The following ARIH1 variants were observed in gnomAD, a reference collection of about 807,000 sequenced individuals.
The protein encoded by ARIH1 is ariadne RBR E3 ubiquitin protein ligase 1.
Under a neutral mutation model 85.0 loss-of-function variants are expected in ARIH1, and 8 were observed. The observed-to-expected ratio is 0.09, with a 90% CI of 0.06 to 0.17. ARIH1 has a LOEUF of 0.17. Ranked by LOEUF, ARIH1 falls within the 10% of genes least tolerant of loss-of-function variation. The pLI, the probability that ARIH1 is intolerant of heterozygous loss-of-function variation, is 1.00. For synonymous variants in ARIH1, 238 were observed against 253.6 expected (o/e 0.94, Z 0.59); for missense variants, 311 against 718.1 (o/e 0.43, Z 6.48).
chr15:72,511,286 T>C (rs1395807875), intron 1 of ARIH1, among the ~76,000 whole-genome samples: 1 of 152,130 alleles, frequency 6.6e-6, no homozygotes, highest in Non-Finnish European at 1.5e-5. Context: ...TATGTAAAAA[T>C]ATAGCTGATC....
chr15:72,547,607 C>G (rs1358382997), intron 3 of ARIH1, among the ~76,000 whole-genome samples: 1 of 152,158 alleles, frequency 6.6e-6, no homozygotes, highest in African/African-American at 2.4e-5. Flanking sequence ...TGTATCATTT[C>G]TCTTACCTTA....
chr15:72,479,250 GTCTC>G (rs2063805900), intron 1 of ARIH1, among the ~76,000 whole-genome samples: 1 of 152,054 alleles, frequency 6.6e-6, no homozygotes, highest in Non-Finnish European at 1.5e-5. Context: ...AAAACTTCTG[GTCTC>G]AAGTATTTTG....
At chr15:72,478,349 C>A (rs1475155311) in intron 1 of ARIH1, among the ~76,000 whole-genome samples, 1 of 149,372 alleles carries the variant, frequency 6.7e-6, no homozygotes, top group African/African-American at 2.5e-5. Context: ...ACTCCTGAAC[C>A]CAGGTGATCC....
In ARIH1 at chr15:72,543,768, G is replaced by T. The variant is rs75488274; in HGVS notation, c.444-1052G>T. ...AGAGCATTATAGTTACTGTAATCTG[G>T]GCTTTACAACCCAAAAAGTAATTGA... On this transcript the variant is annotated intron_variant, in intron 2 of 13. Coordinates refer to ENST00000379887, the MANE Select transcript of ARIH1 (RefSeq NM_005744.5). 7.0e-3 allele frequency among the ~76,000 whole-genome samples: 1,067 copies of T among 151,896 alleles called. 35 individuals carry two copies. Among genetic ancestry groups the T allele is most frequent in the Admixed American group, 0.055 (840 of 15,258 alleles).
intron 2 of ARIH1, among the ~76,000 whole-genome samples, chr15:72,525,020 G>C (rs1268009888): frequency 1.3e-5 from 2 of 152,120 alleles, no homozygotes; most frequent in Non-Finnish European, 2.9e-5. Context: ...CCAAGTATCT[G>C]GAACTACAGG....
intron 1 of ARIH1, among the ~76,000 whole-genome samples, chr15:72,483,262 G>A (rs1381616808): frequency 6.6e-6 from 1 of 152,176 alleles, no homozygotes; most frequent in Non-Finnish European, 1.5e-5. Context: ...TTGTTGCCCA[G>A]AGATATCAGT....
At chr15:72,546,103 A>G (rs1310470709) in intron 3 of ARIH1, among the ~76,000 whole-genome samples, 1 of 152,194 alleles carries the variant, frequency 6.6e-6, no homozygotes. Flanking sequence ...TCACAGGCAC[A>G]GTCAGTGTAC....
At chr15:72,517,308 T>G (rs2063979437) in intron 1 of ARIH1, among the ~76,000 whole-genome samples, 1 of 152,228 alleles carries the variant, frequency 6.6e-6, no homozygotes, top group African/African-American at 2.4e-5. Context: ...CTAACTATGT[T>G]GTCCAGGCTT....
chr15:72,555,416 G>T, intron 4 of ARIH1, 53 bp downstream of exon 4: 1 of 1,315,164 alleles, frequency 7.6e-7, no homozygotes, highest in Non-Finnish European at 1.1e-6. Context: ...ATAGTGTTAA[G>T]ACCCTTGCAC....
intron 2 of ARIH1, among the ~76,000 whole-genome samples, chr15:72,522,786 C>G (rs1204708779): frequency 6.6e-6 from 1 of 152,102 alleles, no homozygotes; most frequent in South Asian, 2.1e-4. Flanking sequence ...ATACAAAGAA[C>G]TCTTAAAACT....
chr15:72,501,743 A>T (rs2063905028), intron 1 of ARIH1, among the ~76,000 whole-genome samples: 1 of 152,254 alleles, frequency 6.6e-6, no homozygotes, highest in African/African-American at 2.4e-5. Flanking sequence ...TAATCATCTC[A>T]CAATTCTAAT....
intron 1 of ARIH1, among the ~76,000 whole-genome samples, chr15:72,503,298 TGAGTTATCAA>T (rs2063911290): frequency 6.6e-6 from 1 of 152,204 alleles, no homozygotes; most frequent in Non-Finnish European, 1.5e-5. Context: ...TCCAGCATCT[TGAGTTATCAA>T]GAGGCTTTTG....
chr15:72,525,077 GA>G (rs1477792212), intron 2 of ARIH1, among the ~76,000 whole-genome samples: 4 of 152,054 alleles, frequency 2.6e-5, no homozygotes, highest in African/African-American at 9.7e-5. Context: ...TTTTAGTAGA[GA>G]TGGGGTTTCA....
At position 72,536,904 on chromosome 15, in the gene ARIH1, A is replaced by T. The variant is rs188867048; in HGVS notation, c.444-7916A>T. The stretch of plus-strand genomic sequence containing the variant: ...TTTTATTTTATTATAATGCCTTTTT[A>T]AAAAAAATTAGGCTAATAAGAAAAA... On this transcript the variant is annotated intron_variant, in intron 2 of 13. Transcript: ENST00000379887. 9.7e-4 allele frequency among the ~76,000 whole-genome samples: 148 copies of T among 152,032 alleles called. 2 individuals are homozygous for T. The highest frequency in any genetic ancestry group is 2.2e-3 in the African/African-American group (91 of 41,476).
rs397853910 is a variant in ARIH1 at position 72,523,939 on chromosome 15, C to CTTTT, written c.443+5827_443+5830dup. Among the ~76,000 whole-genome samples, 193 of 61,670 alleles carry CTTTT rather than the reference C, an allele frequency of 3.1e-3. 1 individual carries two copies. Among genetic ancestry groups the CTTTT allele is most frequent in the East Asian group, 0.01 (17 of 1,648 alleles). The allele number at this position is 61,670 out of a possible 152,430, so 40.5% of individuals were successfully genotyped here. A position where few individuals can be genotyped will look rare whatever the true frequency, so the allele number is the denominator to read the frequency against. On this transcript the variant is annotated intron_variant, in intron 2 of 13. Coordinates refer to ENST00000379887, the MANE Select transcript of ARIH1 (RefSeq NM_005744.5). ...AAAATACCGTGTGCTACTTTTACAT[C>CTTTT]TTTTTTTTTTTTTTTTTTTTTTTTT...
intron 2 of ARIH1, among the ~76,000 whole-genome samples, chr15:72,535,843 A>G (rs571703610): frequency 3.9e-5 from 6 of 152,342 alleles, no homozygotes; most frequent in South Asian, 4.1e-4. Context: ...TCTTTGAAGT[A>G]AAAATAGTTT....
At chr15:72,575,966 C>T (rs891430403) in intron 11 of ARIH1, among the ~76,000 whole-genome samples, 8 of 152,318 alleles carry the variant, frequency 5.3e-5, no homozygotes, top group Admixed American at 5.2e-4. Context: ...GCCTCAACCT[C>T]TGCATTAGCT....
chr15:72,483,519 G>C (rs1451611794), intron 1 of ARIH1, among the ~76,000 whole-genome samples: 1 of 152,188 alleles, frequency 6.6e-6, no homozygotes, highest in East Asian at 1.9e-4. Context: ...GGGTCTTTGG[G>C]GGCTATCTTA....
At position 72,594,458 on chromosome 15, in the gene ARIH1, G is replaced by T. The variant is rs959735708; in HGVS notation, c.*11166G>T. 8.5e-5 allele frequency: 13 copies of T among 152,086 alleles called. No homozygotes were observed. The highest frequency in any genetic ancestry group is 3.1e-4 in the African/African-American group (13 of 41,422). 9.4% of individuals were successfully genotyped at this position (152,086 alleles called of 1,614,324 possible). On this transcript the variant is annotated 3_prime_UTR_variant, in exon 14 of 14. Transcript: ENST00000379887. ...GCTGCCATTACAGGCGTGAGCCACC[G>T]CGCCTGGCTAATTTTCATTTTTAAG...
Sources: allele counts gnomAD v4.1 joint callset (sites outside exome capture counted in the v4.1 genomes callset), GRCh38; gene constraint gnomAD v4.1.1; transcripts MANE v1.5; gene names NCBI Gene and HGNC (gene_info 2026-07-23, HGNC 2026-07-21).